Variants in CNOT6 observed in about 807,000 individuals in gnomAD.
The protein encoded by CNOT6 is carbon catabolite repression 4 protein.
A neutral mutation model predicts 61.2 loss-of-function variants in CNOT6; 12 were observed. That is an observed-to-expected ratio of 0.20 (90% CI 0.13 to 0.32). CNOT6 has a LOEUF of 0.32. Among genes scored for constraint, CNOT6 ranks in the 10% least tolerant of loss-of-function variants. The pLI is 1.00. For missense variants in CNOT6, 405 were observed against 663.9 expected (o/e 0.61, Z 4.28); for synonymous variants, 225 against 240.6 (o/e 0.94, Z 0.60).
chr5:180,554,167 C>T (rs746020487), intron 4 of CNOT6, among the ~76,000 whole-genome samples: 1 of 152,110 alleles, frequency 6.6e-6, no homozygotes, highest in African/African-American at 2.4e-5. Context: ...CCTGTAATCA[C>T]AAAACTTTGG....
chr5:180,498,756 CT>C (rs1289870796), intron 1 of CNOT6, among the ~76,000 whole-genome samples: 1 of 152,110 alleles, frequency 6.6e-6, no homozygotes, highest in Non-Finnish European at 1.5e-5. Flanking sequence ...AGTGGAGGCC[CT>C]ACAAGTGTAT....
In CNOT6 at chr5:180,569,150, T is replaced by C. The variant is rs1459720324; in HGVS notation, c.1068T>C (p.Leu356=). ...TTGGAACAGAAAAACAACTTATTCT[T>C]GTGGCTAACGCCCACATGCATTGGG... is the stretch of plus-strand genomic sequence containing the variant. ...PHLGTEKQLI[L]VANAHMHWDP... Residue 356 remains leucine (L), a synonymous_variant, in exon 10 of 12, where the codon CTT becomes CTC. Transcript: ENST00000261951. 1.9e-6 allele frequency: 3 copies of C among 1,614,040 alleles called. No homozygotes were observed. The highest frequency in any genetic ancestry group is 1.3e-5 in the African/African-American group (1 of 74,932).
intron 1 of CNOT6, among the ~76,000 whole-genome samples, chr5:180,511,993 A>C (rs1161103064): frequency 6.6e-6 from 1 of 152,010 alleles, no homozygotes; most frequent in Non-Finnish European, 1.5e-5. Context: ...CATTTCTCTT[A>C]ATCTGTTTTG....
At chr5:180,545,845 A>T (rs1378830507) in intron 2 of CNOT6, among the ~76,000 whole-genome samples, 1 of 152,178 alleles carries the variant, frequency 6.6e-6, no homozygotes. Context: ...CACAAGTCTT[A>T]AATTTAGCCA....
intron 1 of CNOT6, among the ~76,000 whole-genome samples, chr5:180,527,949 C>T (rs144962109): frequency 3.0e-4 from 46 of 152,266 alleles, no homozygotes; most frequent in Non-Finnish European, 6.0e-4. Context: ...CCTTATGATG[C>T]GATCTAACTA....
intron 4 of CNOT6, among the ~76,000 whole-genome samples, chr5:180,564,146 TC>T (rs1760330849): frequency 6.6e-6 from 1 of 152,182 alleles, no homozygotes; most frequent in African/African-American, 2.4e-5. Context: ...CCACCCACTC[TC>T]CCAGTCACCT....
At position 180,505,237 on chromosome 5, in the gene CNOT6, G is replaced by A. The variant is rs1307007517; in HGVS notation, c.-3+10474G>A. Among the ~76,000 whole-genome samples, 12 of 147,106 alleles carry A rather than the reference G, an allele frequency of 8.2e-5. No individual in the cohort carries two copies. The Admixed American group carries it at 8.3e-4, about 10-fold the overall frequency. On this transcript the variant is annotated intron_variant, in intron 1 of 11. Coordinates refer to ENST00000261951, the MANE Select transcript of CNOT6 (RefSeq NM_001370472.1). ...TGCCTCCTAAAGTACTGGGATTACA[G>A]GCGGTAATAGTTAATTTTTTTTTTT...
chr5:180,539,462 A>C (rs948182825), intron 2 of CNOT6, among the ~76,000 whole-genome samples: 3 of 150,772 alleles, frequency 2.0e-5, no homozygotes, highest in African/African-American at 7.3e-5. Context: ...AATACTAGGT[A>C]ATAGTTTTTT....
chr5:180,514,290 G>T (rs967799806), intron 1 of CNOT6, among the ~76,000 whole-genome samples: 11 of 152,086 alleles, frequency 7.2e-5, no homozygotes. Flanking sequence ...CATGTGTTGG[G>T]GGGCGCCTGT....
chr5:180,563,407 T>G (rs2127759813), intron 4 of CNOT6, among the ~76,000 whole-genome samples: 1 of 151,964 alleles, frequency 6.6e-6, no homozygotes, highest in South Asian at 2.1e-4. Context: ...TTTGCTTTTT[T>G]TTTCTTTTAT....
chr5:180,521,222 C>T (rs944770882), intron 1 of CNOT6, among the ~76,000 whole-genome samples: 1 of 152,142 alleles, frequency 6.6e-6, no homozygotes, highest in Non-Finnish European at 1.5e-5. Context: ...TAATGAATAT[C>T]AGCAGTTAAG....
At chr5:180,540,096 C>A (rs1049094822) in intron 2 of CNOT6, among the ~76,000 whole-genome samples, 3 of 151,786 alleles carry the variant, frequency 2.0e-5, no homozygotes, top group African/African-American at 4.8e-5. Flanking sequence ...AATTTTAATT[C>A]CATTTTTGGA....
Position 180,529,325 on chromosome 5 carries a change from A to G in CNOT6, c.49A>G (p.Ile17Val), listed in dbSNP as rs758646769. Residue 17 changes from isoleucine (I) to valine (V), a missense_variant, in exon 2 of 12, where the codon ATT becomes GTT. Around this residue, in one of 5 missense-constraint regions of CNOT6, gnomAD observed 212 missense variants for 307.1 expected, o/e 0.69. Coordinates refer to ENST00000261951, the MANE Select transcript of CNOT6 (RefSeq NM_001370472.1). ...CCCTGACCCTCGGAGGATGTATACA[A>G]TTATGTCTTCTGAGGAAGCAGCAAA... The part of the protein sequence containing the change: ...EPPDPRRMYT[I>V]MSSEEAANGK... 2.5e-6 allele frequency: 4 copies of G among 1,613,830 alleles called. No individual in the cohort carries two copies. The African/African-American group carries it at 5.3e-5, about 22-fold the overall frequency.
chr5:180,497,160 T>G (rs910802288), intron 1 of CNOT6, among the ~76,000 whole-genome samples: 2 of 152,018 alleles, frequency 1.3e-5, no homozygotes, highest in Non-Finnish European at 2.9e-5. Context: ...AAACCCTGTC[T>G]CTACTAAAAA....
At position 180,550,047 on chromosome 5, in the gene CNOT6, G is replaced by C. The variant is rs755103605; in HGVS notation, c.229G>C (p.Val77Leu). The change falls in exon 3 of 12, where the codon GTG (valine) becomes CTG (leucine). Residue 77 changes from valine (V) to leucine (L), a missense_variant. Around this residue, in one of 5 missense-constraint regions of CNOT6, gnomAD observed 212 missense variants for 307.1 expected, o/e 0.69. Transcript: ENST00000261951. Reference sequence around the variant, plus strand: ...AGACATTGCCAAGCTTCACAATCTGGTGTATTTGGACCTGTCATCTAATAA... The same window carrying C: ...AGACATTGCCAAGCTTCACAATCTGCTGTATTTGGACCTGTCATCTAATAA... ...PSDIAKLHNL[V>L]YLDLSSNKIR... 6.2e-7 allele frequency: 1 copy of C among 1,614,078 alleles called. No individual in the cohort carries two copies. Among genetic ancestry groups the C allele is most frequent in the Non-Finnish European group, 8.5e-7 (1 of 1,179,986 alleles).
intron 1 of CNOT6, among the ~76,000 whole-genome samples, chr5:180,515,203 A>T (rs1135278): frequency 6.6e-6 from 1 of 151,902 alleles, no homozygotes; most frequent in Non-Finnish European, 1.5e-5. Flanking sequence ...GGATCCCTTG[A>T]GGCCAGGAGT....
intron 2 of CNOT6, among the ~76,000 whole-genome samples, chr5:180,530,703 A>G (rs1435978453): frequency 6.6e-6 from 1 of 152,188 alleles, no homozygotes; most frequent in Non-Finnish European, 1.5e-5. Flanking sequence ...TCCTAGGCAG[A>G]GGACCCTGCG....
At chr5:180,567,705 T>C in intron 8 of CNOT6, 144 bp from the exon 9 acceptor site, 1 of 1,028,742 alleles carries the variant, frequency 9.7e-7, no homozygotes, top group Admixed American at 2.2e-5. Flanking sequence ...GGAAGCTTGA[T>C]GCTGAACGTG....
At chr5:180,513,671 C>T (rs1016994980) in intron 1 of CNOT6, among the ~76,000 whole-genome samples, 1 of 133,708 alleles carries the variant, frequency 7.5e-6, no homozygotes, top group African/African-American at 2.6e-5. Context: ...CATGCCTGGC[C>T]CTTTTATTTA....
Sources: allele counts gnomAD v4.1 joint callset (sites outside exome capture counted in the v4.1 genomes callset), GRCh38; gene constraint gnomAD v4.1.1; regional missense constraint gnomAD v4.1.1; transcripts MANE v1.5; gene names NCBI Gene and HGNC (gene_info 2026-07-23, HGNC 2026-07-21).